HDLBP: variants seen among roughly 807,000 people sequenced by gnomAD.
HDLBP encodes high density lipoprotein binding protein.
HDLBP carries 30 observed loss-of-function variants against 137.3 expected under a neutral mutation model. The observed-to-expected ratio is 0.22, with a 90% CI of 0.16 to 0.30. HDLBP has a LOEUF of 0.30. HDLBP is among the 10% of genes least tolerant of loss of function. HDLBP has a pLI of 1.00. For missense variants in HDLBP, 1,119 were observed against 1,667.3 expected (o/e 0.67, Z 5.73); for synonymous variants, 606 against 596.0 (o/e 1.02, Z -0.24).
Position 241,239,564 on chromosome 2 carries a change from G to T in HDLBP, c.2610+38C>A. 4.6e-6 allele frequency: 7 copies of T among 1,537,002 alleles called. No homozygotes were observed. The highest frequency in any genetic ancestry group is 5.4e-6 in the Non-Finnish European group (6 of 1,110,874). On this transcript the variant is annotated intron_variant, in intron 19 of 27. Transcript: ENST00000310931. The surrounding 1 kb of genome is among the most constrained non-coding windows in gnomAD (Gnocchi z 4.6). ...ACACGGCTTCGGTGAGTGGCCACTG[G>T]GGGGTGAGAACCCCTCCCCGAGCAC...
Position 241,228,487 on chromosome 2 carries a change from G to T in HDLBP, c.*1114C>A, listed in dbSNP as rs1226491891. On this transcript the variant is annotated 3_prime_UTR_variant, in exon 28 of 28. Transcript: ENST00000310931. ...TGCACAGCCGGATGGCCTGTGGGCG[G>T]GGTGGAAGTGCCCACTCCCACTCCA... The T allele has an allele frequency of 6.6e-6, 1 of 152,430 alleles. No individual in the cohort carries two copies. The highest frequency in any genetic ancestry group is 1.5e-5 in the Non-Finnish European group (1 of 68,178). The allele number at this position is 152,430 out of a possible 1,614,324, so 9.4% of individuals were successfully genotyped here.
chr2:241,273,502 G>A (rs11693230), intron 1 of HDLBP: 138,218 of 750,690 alleles, frequency 0.18, 13,816 homozygotes, highest in Non-Finnish European at 0.2. Flanking sequence ...CCCTACTCTC[G>A]GGGTCTCCAC....
At chr2:241,257,625 G>A (rs10170128) in intron 5 of HDLBP, among the ~76,000 whole-genome samples, 25,678 of 152,202 alleles carry the variant, frequency 0.17, 2,462 homozygotes, top group Non-Finnish European at 0.21. Context: ...ATGTGCATTC[G>A]AAATTAGAAA....
At chr2:241,283,155 C>G (rs1013523202) in intron 1 of HDLBP, among the ~76,000 whole-genome samples, 2 of 152,316 alleles carry the variant, frequency 1.3e-5, no homozygotes, top group South Asian at 4.1e-4. Flanking sequence ...TTAAACCAGT[C>G]TCAAAATTCC....
At chr2:241,254,047 G>A (rs1275345445) in intron 9 of HDLBP, among the ~76,000 whole-genome samples, 1 of 152,130 alleles carries the variant, frequency 6.6e-6, no homozygotes, top group Non-Finnish European at 1.5e-5. Flanking sequence ...TATTTTGGGA[G>A]GCTGAGGTAG....
chr2:241,256,390 C>A lies in HDLBP; in HGVS notation c.667G>T (p.Ala223Ser). The A allele has an allele frequency of 6.2e-7, 1 of 1,606,234 alleles. No homozygotes were observed. The change falls in exon 7 of 28, where the codon GCT becomes TCT. Residue 223 changes from alanine to serine, a missense_variant. This residue lies in a region of HDLBP where 425 missense variants were observed against 693.9 expected (regional missense o/e 0.61). Coordinates refer to ENST00000310931, the MANE Select transcript of HDLBP (RefSeq NM_005336.6). ...LLISAEQDKR[A>S]VERLEVEKAF... ...TTTTCTACTTCTAGCCTCTCCACAG[C>A]ACGTTTGTCCTGGAAAGGAAGGGAT... is the stretch of plus-strand genomic sequence containing the variant.
At chr2:241,296,443 T>C (rs62186410) in intron 1 of HDLBP, among the ~76,000 whole-genome samples, 48,313 of 152,038 alleles carry the variant, frequency 0.32, 8,407 homozygotes, top group East Asian at 0.51. Flanking sequence ...CTGCAAAAAG[T>C]CTCCAACAAC....
chr2:241,300,950 CTATTATTATTATTAT>C (rs66491533), intron 1 of HDLBP, among the ~76,000 whole-genome samples: 1,821 of 143,858 alleles, frequency 0.013, 16 homozygotes, highest in Middle Eastern at 0.022. Flanking sequence ...TGCACACATA[CTATTATTATTATTAT>C]TATTATTATT....
At chr2:241,276,225 A>C (rs2074382471) in intron 1 of HDLBP, among the ~76,000 whole-genome samples, 1 of 152,136 alleles carries the variant, frequency 6.6e-6, no homozygotes, top group Non-Finnish European at 1.5e-5. Context: ...AATGAATGTT[A>C]AAAATTTAAA....
chr2:241,263,054 C>G (rs929788017), intron 4 of HDLBP, 128 bp from the exon 5 acceptor site: 3 of 704,896 alleles, frequency 4.3e-6, no homozygotes, highest in Non-Finnish European at 7.2e-6. Flanking sequence ...AGGCACTGCT[C>G]GAAGCCCTGG....
chr2:241,256,534 C>A (rs2072629963), intron 6 of HDLBP, 66 bp downstream of exon 6: 4 of 1,563,246 alleles, frequency 2.6e-6, no homozygotes, highest in South Asian at 1.1e-5. Context: ...GACACGGCAA[C>A]CCATGAGGGA....
intron 14 of HDLBP, chr2:241,247,502 G>T: frequency 3.3e-6 from 1 of 303,176 alleles, no homozygotes; most frequent in South Asian, 4.4e-5. Flanking sequence ...CAGTGCTGGA[G>T]TCCTTCACCA....
Position 241,239,905 on chromosome 2 carries a change from T to C in HDLBP, c.2387A>G (p.Asn796Ser). ...AQKELEALIQ[N>S]LDNVVEDSML... ...CCGCCGAGGCCCGCTCCCTACCAGG[T>C]TTTGGATCAAGGCCTCCAGCTCCTT... Residue 796 changes from asparagine (N) to serine (S), a missense_variant, in exon 18 of 28, where the codon AAC becomes AGC. Transcript: ENST00000310931. This position sits in a 1 kb window ranked among gnomAD's most constrained non-coding sequence, Gnocchi z 4.6. 6.2e-7 allele frequency: 1 copy of C among 1,613,740 alleles called. No homozygotes were observed. Among genetic ancestry groups the C allele is most frequent in the Non-Finnish European group, 8.5e-7 (1 of 1,179,830 alleles).
chr2:241,308,738 C>T (rs2075664170), intron 1 of HDLBP, among the ~76,000 whole-genome samples: 1 of 152,198 alleles, frequency 6.6e-6, no homozygotes, highest in African/African-American at 2.4e-5. Context: ...GCCTTTGCCT[C>T]AGGGTCTACC....
intron 16 of HDLBP, chr2:241,246,526 T>C: frequency 2.1e-6 from 1 of 477,884 alleles, no homozygotes; most frequent in South Asian, 4.1e-5. Context: ...ATAAGACAAG[T>C]GCCCACGTCA....
chr2:241,309,899 A>G (rs1242675237), intron 1 of HDLBP, among the ~76,000 whole-genome samples: 2 of 152,238 alleles, frequency 1.3e-5, no homozygotes, highest in Non-Finnish European at 2.9e-5. Context: ...GAAGAAACCC[A>G]AAGAAGCTGA....
Position 241,230,267 on chromosome 2 carries a change from C to T in HDLBP, c.3477G>A (p.Val1159=). The T allele has an allele frequency of 6.3e-7, 1 of 1,579,676 alleles. No individual in the cohort carries two copies. Among genetic ancestry groups the T allele is most frequent in the South Asian group, 1.1e-5 (1 of 89,040 alleles). Reference sequence around the variant, plus strand: ...CTCCGCTCTGTGGGAAGCGAATGTCCACCTGGAAGGGGTGTACAACGTCAG... The same window carrying T: ...CTCCGCTCTGTGGGAAGCGAATGTCTACCTGGAAGGGGTGTACAACGTCAG... ...AIRKIMDEFK[V]DIRFPQSGAP... is the part of the protein sequence containing the mutation. The change falls in exon 26 of 28, where the codon GTG becomes GTA. Residue 1159 remains valine, a splice_region_variant and synonymous_variant. Transcript: ENST00000310931. The surrounding 1 kb of genome is among the most constrained non-coding windows in gnomAD (Gnocchi z 5.0).
At chr2:241,236,865 C>G in intron 20 of HDLBP, 96 bp from the exon 21 acceptor site, 2 of 1,328,506 alleles carry the variant, frequency 1.5e-6, no homozygotes, top group Non-Finnish European at 2.1e-6. Flanking sequence ...CTGCTGGGTG[C>G]TGGGTGGTAA....
At chr2:241,267,981 TCCTCTCC>T in intron 2 of HDLBP, 1 of 979,872 alleles carries the variant, frequency 1.0e-6, no homozygotes, top group Non-Finnish European at 1.2e-6. Context: ...AATGTTAGCT[TCCTCTCC>T]TTCCCTCTCC....
Sources: gnomAD v4.1 joint callset for allele counts (sites outside exome capture counted in the v4.1 genomes callset) on GRCh38, gnomAD v4.1.1 for gene constraint, gnomAD v4.1.1 regional missense constraint, Gnocchi (gnomAD v3.1) non-coding constraint, MANE v1.5 for transcripts, NCBI Gene and HGNC (gene_info 2026-07-23, HGNC 2026-07-21) for gene names.